The following FHIT variants were observed in gnomAD, a reference collection of about 807,000 sequenced individuals.
FHIT encodes the protein fragile histidine triad diadenosine triphosphatase.
In FHIT, 19 loss-of-function variants were observed where a neutral mutation model predicts 17.9. The observed-to-expected ratio is 1.06, with a 90% confidence interval of 0.74 to 1.56. The LOEUF (loss-of-function observed/expected upper bound fraction) is 1.56, where lower values mean the gene tolerates loss of function less well. Ranked by LOEUF, FHIT falls within the 40% of genes most tolerant of loss-of-function variation. The pLI, the probability that FHIT is intolerant of heterozygous loss-of-function variation, is 0.00. For missense variants in FHIT, 248 were observed against 189.2 expected, an observed-to-expected ratio of 1.31 and a Z score of -1.82; for synonymous variants, 81 against 69.7, an observed-to-expected ratio of 1.16 and a Z score of -0.81.
intron 3 of FHIT, among the ~76,000 whole-genome samples, chr3:60,826,372 G>A (rs1702123342): frequency 6.6e-6 from 1 of 152,040 alleles, no homozygotes; most frequent in Non-Finnish European, 1.5e-5. Context: ...TGTTGCCCAG[G>A]CTGAAGTGCA....
intron 4 of FHIT, among the ~76,000 whole-genome samples, chr3:60,799,537 T>G (rs1701111475): frequency 6.6e-6 from 1 of 152,220 alleles, no homozygotes; most frequent in Non-Finnish European, 1.5e-5. Flanking sequence ...CTTCCAACTT[T>G]ATCTTGTGCA....
At chr3:60,373,540 C>T (rs1700424580) in intron 5 of FHIT, among the ~76,000 whole-genome samples, 1 of 151,884 alleles carries the variant, frequency 6.6e-6, no homozygotes, top group African/African-American at 2.4e-5. Flanking sequence ...CAATGGGAAG[C>T]CAAGAAAGGT....
chr3:60,601,629 A>G (rs186168173), intron 4 of FHIT, among the ~76,000 whole-genome samples: 1 of 152,172 alleles, frequency 6.6e-6, no homozygotes, highest in Non-Finnish European at 1.5e-5. Flanking sequence ...AAAAGGCATG[A>G]CTACCATGCA....
At chr3:61,058,959 C>A (rs1404849224) in intron 2 of FHIT, among the ~76,000 whole-genome samples, 1 of 152,166 alleles carries the variant, frequency 6.6e-6, no homozygotes, top group Non-Finnish European at 1.5e-5. Flanking sequence ...TTAATCACCA[C>A]AAGACTCTAC....
At chr3:59,859,110 T>C (rs1198848785) in intron 8 of FHIT, among the ~76,000 whole-genome samples, 1 of 152,126 alleles carries the variant, frequency 6.6e-6, no homozygotes, top group Non-Finnish European at 1.5e-5. Context: ...AGGGACAGTA[T>C]AAGATGATCC....
chr3:59,939,560 G>A (rs1706408584), intron 7 of FHIT, among the ~76,000 whole-genome samples: 1 of 152,072 alleles, frequency 6.6e-6, no homozygotes, highest in African/African-American at 2.4e-5. Context: ...TTTAACCTTT[G>A]GAATTAACAT....
At chr3:59,773,033 A>G (rs1702143903) in intron 8 of FHIT, among the ~76,000 whole-genome samples, 3 of 152,214 alleles carry the variant, frequency 2.0e-5, no homozygotes, top group African/African-American at 7.2e-5. Flanking sequence ...TCCTACTTCA[A>G]ACAAACAATG....
At chr3:61,141,642 G>A (rs900334194) in intron 2 of FHIT, among the ~76,000 whole-genome samples, 2 of 151,430 alleles carry the variant, frequency 1.3e-5, no homozygotes, top group Admixed American at 6.6e-5. Context: ...TAGCCTGAGT[G>A]GGTTGGGTTG....
chr3:60,536,153 C>G (rs187935635), intron 5 of FHIT: 1 of 152,148 alleles, frequency 6.6e-6, no homozygotes, highest in Non-Finnish European at 1.5e-5. Flanking sequence ...AGATAACTTC[C>G]CAAGCATTTC....
At chr3:59,999,607 C>T (rs1280746470) in intron 7 of FHIT, among the ~76,000 whole-genome samples, 10 of 152,080 alleles carry the variant, frequency 6.6e-5, no homozygotes, top group Admixed American at 6.5e-4. Flanking sequence ...CTCCGACTGG[C>T]TTAAACAATA....
At chr3:61,095,088 G>A (rs1212168681) in intron 2 of FHIT, among the ~76,000 whole-genome samples, 1 of 152,144 alleles carries the variant, frequency 6.6e-6, no homozygotes, top group Non-Finnish European at 1.5e-5. Context: ...GGTGGTGAAG[G>A]TTTGAGCCTT....
chr3:60,112,364 G>A (rs758245313), intron 5 of FHIT, among the ~76,000 whole-genome samples: 2 of 152,142 alleles, frequency 1.3e-5, no homozygotes, highest in Non-Finnish European at 2.9e-5. Context: ...CTCTACTAAT[G>A]CAAGAAACCA....
intron 4 of FHIT, among the ~76,000 whole-genome samples, chr3:60,663,613 T>G (rs112991786): frequency 0.068 from 10,334 of 151,992 alleles, 468 homozygotes; most frequent in African/African-American, 0.13. Context: ...TTTTTTGTAT[T>G]TTTACAAGAG....
rs183217324 is a variant in FHIT, at chr3:60,510,556, G to A, written c.103+26304C>T. Among the ~76,000 whole-genome samples, 8 of 152,068 alleles carry A rather than the reference G, an allele frequency of 5.3e-5. No homozygotes were observed. The East Asian group carries it at 1.2e-3, about 22-fold the overall frequency. On this transcript the variant is annotated intron_variant, in intron 5 of 9. Transcript: ENST00000492590. ...GTATCCTTCCACTAGGGTCAGCATC[G>A]ACTAGATGGACTAGGAAGAATTTCA...
chr3:60,622,717 T>C (rs932039157), intron 4 of FHIT, among the ~76,000 whole-genome samples: 1 of 152,202 alleles, frequency 6.6e-6, no homozygotes, highest in Non-Finnish European at 1.5e-5. Flanking sequence ...GGTTTTTTGG[T>C]TGGAGGGAGG....
chr3:59,949,663 G>T (rs1397810697), intron 7 of FHIT, among the ~76,000 whole-genome samples: 1 of 152,178 alleles, frequency 6.6e-6, no homozygotes, highest in Non-Finnish European at 1.5e-5. Context: ...ACACACTAAC[G>T]TTTATTGAGG....
intron 5 of FHIT, among the ~76,000 whole-genome samples, chr3:60,105,643 A>G (rs1704376098): frequency 6.6e-6 from 1 of 152,200 alleles, no homozygotes; most frequent in South Asian, 2.1e-4. Flanking sequence ...ACCCTGAACT[A>G]ACTTCCTTTG....
At chr3:60,922,543 T>C (rs1344401078) in intron 3 of FHIT, among the ~76,000 whole-genome samples, 2 of 152,346 alleles carry the variant, frequency 1.3e-5, no homozygotes, top group East Asian at 3.9e-4. Context: ...CTTTGCAATA[T>C]AAAAGTTGCA....
intron 7 of FHIT, among the ~76,000 whole-genome samples, chr3:59,953,829 G>A (rs1009905470): frequency 2.0e-5 from 3 of 152,214 alleles, no homozygotes; most frequent in Admixed American, 6.5e-5. Context: ...GTAGCATCCT[G>A]TACCCCGAGT....
Sources: allele counts gnomAD v4.1 joint callset (sites outside exome capture counted in the v4.1 genomes callset), GRCh38; gene constraint gnomAD v4.1.1; transcripts MANE v1.5; gene names NCBI Gene and HGNC (gene_info 2026-07-23, HGNC 2026-07-21).